ATPAF2: variants seen among roughly 807,000 people sequenced by gnomAD.
The protein encoded by ATPAF2 is ATP synthase mitochondrial F1 complex assembly factor 2.
Under a neutral mutation model 36.6 loss-of-function variants are expected in ATPAF2, and 30 were observed. That is an observed-to-expected ratio of 0.82 (90% CI 0.61 to 1.11). ATPAF2 has a LOEUF of 1.11. Ranked by LOEUF, ATPAF2 falls within the 50% of genes most tolerant of loss-of-function variation. The pLI is 0.00. For missense variants in ATPAF2, 321 were observed against 372.3 expected (o/e 0.86, Z 1.13); for synonymous variants, 140 against 152.6 (o/e 0.92, Z 0.61).
intron 3 of ATPAF2, chr17:18,026,634 G>C (rs915546849): frequency 1.7e-6 from 1 of 595,892 alleles, no homozygotes; most frequent in Non-Finnish European, 3.0e-6. Flanking sequence ...CAGGACTCGA[G>C]GGAAGCTTGC....
chr17:18,019,275 CCCAGGG>C (rs1200688055), intron 7 of ATPAF2, among the ~76,000 whole-genome samples: 1 of 152,130 alleles, frequency 6.6e-6, no homozygotes, highest in Non-Finnish European at 1.5e-5. Context: ...CAGGCCCAGG[CCCAGGG>C]CCAGTGGCTG....
At chr17:18,021,669 G>A (rs1364422810) in intron 6 of ATPAF2, 76 bp downstream of exon 6, 15 of 1,281,668 alleles carry the variant, frequency 1.2e-5, no homozygotes, top group Non-Finnish European at 1.7e-5. Context: ...AGGACCTGGG[G>A]AGGGGCAAGT....
intron 1 of ATPAF2, among the ~76,000 whole-genome samples, chr17:18,030,422 G>A (rs1271212065): frequency 6.7e-6 from 1 of 148,576 alleles, no homozygotes; most frequent in South Asian, 2.1e-4. Context: ...CAGGAAGATT[G>A]CTTGAGCCCA....
rs2044416219 is a variant in ATPAF2 at position 18,018,450 on chromosome 17, A to G, written c.*99T>C. The G allele has an allele frequency of 1.3e-6, 2 of 1,564,710 alleles. No individual in the cohort carries two copies. Among genetic ancestry groups the G allele is most frequent in the Non-Finnish European group, 1.7e-6 (2 of 1,148,722 alleles). On this transcript the variant is annotated 3_prime_UTR_variant, in exon 8 of 8. Transcript: ENST00000474627. ...GGGTGACGCTGAGGCCGAGTCCCCA[A>G]AAGCCAAGGAAGCCAGCCCCACAGG...
downstream of ATPAF2, chr17:18,016,424 C>T: frequency 2.5e-6 from 2 of 790,368 alleles, no homozygotes; most frequent in South Asian, 3.6e-5. Context: ...ATCAGCAGAA[C>T]CTGGGGAGGC....
At chr17:18,030,206 A>G (rs1480592572) in intron 1 of ATPAF2, among the ~76,000 whole-genome samples, 2 of 150,840 alleles carry the variant, frequency 1.3e-5, no homozygotes, top group African/African-American at 4.9e-5. Context: ...CTGTAGTCCC[A>G]GCTACTCGGG....
intron 3 of ATPAF2, chr17:18,026,661 G>A (rs1345479687): frequency 5.2e-6 from 3 of 581,796 alleles, no homozygotes; most frequent in East Asian, 2.9e-5. Context: ...CCCAGGATTA[G>A]TGAACCTCCC....
chr17:18,021,035 A>G (rs1212341505), intron 7 of ATPAF2, 88 bp downstream of exon 7: 2 of 1,517,738 alleles, frequency 1.3e-6, no homozygotes, highest in African/African-American at 1.4e-5. Context: ...CCAAGTATGC[A>G]TAACTATATT....
At chr17:18,036,975 G>T (rs550497927) in intron 1 of ATPAF2, among the ~76,000 whole-genome samples, 1 of 152,236 alleles carries the variant, frequency 6.6e-6, no homozygotes, top group South Asian at 2.1e-4. Context: ...GGAGGCTGAG[G>T]CAGGAGAATT....
intron 1 of ATPAF2, among the ~76,000 whole-genome samples, chr17:18,029,168 A>G (rs1298946534): frequency 6.6e-6 from 1 of 152,236 alleles, no homozygotes; most frequent in Non-Finnish European, 1.5e-5. Context: ...CCTCTCTCCA[A>G]TTAATTAACC....
At chr17:18,029,904 A>AT (rs1227044367) in intron 1 of ATPAF2, among the ~76,000 whole-genome samples, 1 of 149,890 alleles carries the variant, frequency 6.7e-6, no homozygotes, top group Non-Finnish European at 1.5e-5. Flanking sequence ...AAAAAAAAAA[A>AT]GGCTGGTCGC....
chr17:18,034,480 C>T (rs547686654), intron 1 of ATPAF2, among the ~76,000 whole-genome samples: 2 of 152,220 alleles, frequency 1.3e-5, no homozygotes, highest in South Asian at 2.1e-4. Flanking sequence ...CCATTAAGCA[C>T]GTGAAAAGAT....
rs1568570423 is a variant in ATPAF2, at chr17:18,024,613, G to A, written c.503+11C>T. 5 of 1,612,442 alleles carry A rather than the reference G, an allele frequency of 3.1e-6. No individual in the cohort carries two copies. The highest frequency in any genetic ancestry group is 2.7e-5 in the African/African-American group (2 of 74,986). Reference sequence around the variant, plus strand: ...CCCAGTCAGTGCTTTCTGCAGGGCTGTACATCTTACCTTTTCTCAGCCCAT... The same window carrying A: ...CCCAGTCAGTGCTTTCTGCAGGGCTATACATCTTACCTTTTCTCAGCCCAT... On this transcript the variant is annotated intron_variant, in intron 5 of 7. Transcript: ENST00000474627.
Position 18,019,147 on chromosome 17 carries a change from C to CCACACACACACACACACACACACA in ATPAF2, c.733-485_733-462dup, listed in dbSNP as rs138932269. 2.3e-3 allele frequency among the ~76,000 whole-genome samples: 307 copies of CCACACACACACACACACACACACA among 135,628 alleles called. 3 individuals carry two copies. The highest frequency in any genetic ancestry group is 0.01 in the East Asian group (46 of 4,384). 89.0% of individuals were successfully genotyped at this position (135,628 alleles called of 152,430 possible). On this transcript the variant is annotated intron_variant, in intron 7 of 7. Transcript: ENST00000474627. Reference sequence around the variant, plus strand: ...AGAGCAAGACCCTGTCTCAAAAACACCACACACACACACACACACACACAC... The same window carrying CCACACACACACACACACACACACA: ...AGAGCAAGACCCTGTCTCAAAAACACCACACACACACACACACACACACACACACACACACACACACACACACAC...
intron 3 of ATPAF2, chr17:18,027,865 T>C (rs1179141909): frequency 9.8e-6 from 3 of 306,210 alleles, no homozygotes; most frequent in African/African-American, 6.4e-5. Context: ...TACCAGGCAG[T>C]GGAAGAGACA....
At chr17:18,028,980 A>G (rs569673330) in intron 1 of ATPAF2, among the ~76,000 whole-genome samples, 7 of 152,280 alleles carry the variant, frequency 4.6e-5, no homozygotes, top group Middle Eastern at 3.4e-3. Context: ...GTGCCACCTC[A>G]TGCCAGCACA....
rs1470659074 is a variant in ATPAF2 at position 18,039,088 on chromosome 17, C to A, written c.-75G>T. The A allele has an allele frequency of 3.2e-6, 5 of 1,543,492 alleles. No individual in the cohort carries two copies. The African/African-American group carries it at 4.1e-5, about 13-fold the overall frequency. Reference sequence around the variant, plus strand: ...ACACAGAGCGATGGGATCCCCAAAGCCGCACGGTCGGGCTGTACGGAAACC... The same window carrying A: ...ACACAGAGCGATGGGATCCCCAAAGACGCACGGTCGGGCTGTACGGAAACC... On this transcript the variant is annotated 5_prime_UTR_variant, in exon 1 of 8. Coordinates refer to ENST00000474627, the MANE Select transcript of ATPAF2 (RefSeq NM_145691.4). This position sits in a 1 kb window ranked among gnomAD's most constrained non-coding sequence, Gnocchi z 5.3.
intron 3 of ATPAF2, chr17:18,027,848 T>C (rs1597672061): frequency 3.4e-6 from 1 of 298,276 alleles, no homozygotes; most frequent in East Asian, 8.0e-5. Flanking sequence ...CCTGCCCTTC[T>C]GTTGCTTACC....
downstream of ATPAF2, chr17:18,015,481 G>GCCTGCACTCCAGCC (rs2044325277): frequency 6.5e-6 from 1 of 152,846 alleles, no homozygotes; most frequent in Admixed American, 6.5e-5. Flanking sequence ...CTATTAGAAG[G>GCCTGCACTCCAGCC]TGGTTGTTTC....
Sources: gnomAD v4.1 joint callset for allele counts (sites outside exome capture counted in the v4.1 genomes callset) on GRCh38, gnomAD v4.1.1 for gene constraint, Gnocchi (gnomAD v3.1) non-coding constraint, MANE v1.5 for transcripts, NCBI Gene and HGNC (gene_info 2026-07-23, HGNC 2026-07-21) for gene names.